KATNAL1: variants seen among roughly 807,000 people sequenced by gnomAD.
The protein encoded by KATNAL1 is katanin p60 ATPase-containing subunit A-like 1.
In KATNAL1, 32 loss-of-function variants were observed where a neutral mutation model predicts 55.2. That is an observed-to-expected ratio of 0.58 (90% CI 0.44 to 0.78). The LOEUF (loss-of-function observed/expected upper bound fraction) is 0.78, where lower values mean the gene tolerates loss of function less well. KATNAL1 is among the 30% of genes least tolerant of loss of function. The pLI is 0.00. For synonymous variants in KATNAL1, 193 were observed against 193.6 expected (o/e 1.00, Z 0.02); for missense variants, 466 against 600.9 (o/e 0.78, Z 2.35).
At chr13:30,223,348 A>G (rs1296683049) in intron 9 of KATNAL1, among the ~76,000 whole-genome samples, 2 of 146,726 alleles carry the variant, frequency 1.4e-5, no homozygotes, top group South Asian at 2.3e-4. Context: ...AGGCTGAGGC[A>G]GGAGAATGGT....
intron 4 of KATNAL1, among the ~76,000 whole-genome samples, chr13:30,249,372 C>T (rs947777223): frequency 6.6e-6 from 1 of 152,138 alleles, no homozygotes; most frequent in Non-Finnish European, 1.5e-5. Flanking sequence ...TATGCATATC[C>T]TATGACCCAG....
chr13:30,270,810 A>G (rs1880288475), intron 3 of KATNAL1, among the ~76,000 whole-genome samples: 1 of 151,102 alleles, frequency 6.6e-6, no homozygotes, highest in Admixed American at 6.6e-5. Context: ...GGAAAACCAG[A>G]GACCTTTGTT....
At chr13:30,261,885 A>T (rs1313244451) in intron 3 of KATNAL1, among the ~76,000 whole-genome samples, 4 of 151,908 alleles carry the variant, frequency 2.6e-5, no homozygotes, top group Non-Finnish European at 4.4e-5. Flanking sequence ...ACATCTACAG[A>T]ACTCTCCACC....
intron 6 of KATNAL1, among the ~76,000 whole-genome samples, chr13:30,233,341 T>C (rs961389704): frequency 3.3e-5 from 5 of 151,996 alleles, no homozygotes; most frequent in Admixed American, 6.6e-5. Flanking sequence ...AAATGTCCAA[T>C]AGATACATGA....
chr13:30,217,978 G>A (rs1304806826), intron 9 of KATNAL1, among the ~76,000 whole-genome samples: 3 of 152,076 alleles, frequency 2.0e-5, no homozygotes, highest in South Asian at 2.1e-4. Context: ...AGAAGACTGC[G>A]TGATGTCCAC....
chr13:30,232,722 C>G (rs748264974), intron 6 of KATNAL1, among the ~76,000 whole-genome samples: 27 of 152,046 alleles, frequency 1.8e-4, no homozygotes, highest in Admixed American at 3.3e-4. Flanking sequence ...TATTTATAAA[C>G]TTCACCTCCT....
chr13:30,304,294 G>A (rs577174458), intron 1 of KATNAL1, among the ~76,000 whole-genome samples: 5 of 146,212 alleles, frequency 3.4e-5, no homozygotes, highest in African/African-American at 1.0e-4. Flanking sequence ...TTCCTGACAC[G>A]GAGTCTCGCT....
At chr13:30,271,120 A>G (rs1744113477) in intron 3 of KATNAL1, among the ~76,000 whole-genome samples, 2 of 152,198 alleles carry the variant, frequency 1.3e-5, no homozygotes, top group African/African-American at 4.8e-5. Flanking sequence ...AATGGCAAAC[A>G]CATCCTGAGC....
At position 30,208,359 on chromosome 13, in the gene KATNAL1, A is replaced by G. The variant is rs1873343138; in HGVS notation, c.*181T>C. 4 of 552,428 alleles carry G rather than the reference A, an allele frequency of 7.2e-6. No homozygotes were observed. Among genetic ancestry groups the G allele is most frequent in the Non-Finnish European group, 1.3e-5 (4 of 319,854 alleles). The allele number at this position is 552,428 out of a possible 1,614,324, so 34.2% of individuals were successfully genotyped here. A position where few individuals can be genotyped will look rare whatever the true frequency, so the allele number is the denominator to read the frequency against. Reference sequence around the variant, plus strand: ...CACAAAGCCGGGGAGGGAGACTAGCAAACTCTCGCCATCAATTATTTCTCA... The same window carrying G: ...CACAAAGCCGGGGAGGGAGACTAGCGAACTCTCGCCATCAATTATTTCTCA... On this transcript the variant is annotated 3_prime_UTR_variant, in exon 11 of 11. Coordinates refer to ENST00000380615, the MANE Select transcript of KATNAL1 (RefSeq NM_032116.5).
At position 30,293,127 on chromosome 13, in the gene KATNAL1, ATT is replaced by A. The variant is rs375882893; in HGVS notation, c.-14-9338_-14-9337del. On this transcript the variant is annotated intron_variant, in intron 1 of 10. Coordinates refer to ENST00000380615, the MANE Select transcript of KATNAL1 (RefSeq NM_032116.5). Reference sequence around the variant, plus strand: ...ATTTCTTTCCTGAATTTCATTAAAAATTTCTTTCCATTTTTTTTCTGCTGTGA... The same window carrying A: ...ATTTCTTTCCTGAATTTCATTAAAAATCTTTCCATTTTTTTTCTGCTGTGA... Among the ~76,000 whole-genome samples the A allele has an allele frequency of 2.6e-3, 397 of 152,146 alleles. 1 individual carries two copies. The highest frequency in any genetic ancestry group is 8.7e-3 in the African/African-American group (362 of 41,506).
Position 30,205,384 on chromosome 13 carries a change from G to A in KATNAL1, c.*3156C>T, listed in dbSNP as rs1873012019. The A allele has an allele frequency of 6.6e-6, 1 of 152,216 alleles. No homozygotes were observed. The highest frequency in any genetic ancestry group is 2.4e-5 in the African/African-American group (1 of 41,440). 9.4% of individuals were successfully genotyped at this position (152,216 alleles called of 1,614,324 possible). A position where few individuals can be genotyped will look rare whatever the true frequency, so the allele number is the denominator to read the frequency against. ...AACCAATACACGTCTACAGAATGAA[G>A]GGACTATCTGATCAGATATCTGCAA... On this transcript the variant is annotated 3_prime_UTR_variant, in exon 11 of 11. Coordinates refer to ENST00000380615, the MANE Select transcript of KATNAL1 (RefSeq NM_032116.5).
intron 4 of KATNAL1, among the ~76,000 whole-genome samples, chr13:30,246,868 A>C (rs1361710979): frequency 6.6e-6 from 1 of 152,164 alleles, no homozygotes; most frequent in Non-Finnish European, 1.5e-5. Context: ...TAGAATGGCA[A>C]TTATTTCTTT....
At chr13:30,222,038 T>C (rs1329401055) in intron 9 of KATNAL1, among the ~76,000 whole-genome samples, 1 of 151,738 alleles carries the variant, frequency 6.6e-6, no homozygotes, top group Non-Finnish European at 1.5e-5. Context: ...GCAACAAGAG[T>C]GAAACTCCAT....
chr13:30,224,936 T>C (rs539356581), intron 9 of KATNAL1, among the ~76,000 whole-genome samples: 4 of 152,336 alleles, frequency 2.6e-5, no homozygotes, highest in South Asian at 4.1e-4. Context: ...ATGAGTCATG[T>C]CTGAGATGTG....
intron 3 of KATNAL1, among the ~76,000 whole-genome samples, chr13:30,256,046 C>G (rs1878757999): frequency 6.6e-6 from 1 of 152,122 alleles, no homozygotes; most frequent in African/African-American, 2.4e-5. Flanking sequence ...TCTATTTGTA[C>G]AGTTTACTAA....
intron 6 of KATNAL1, among the ~76,000 whole-genome samples, chr13:30,238,101 C>A (rs1438938758): frequency 6.6e-6 from 1 of 152,168 alleles, no homozygotes; most frequent in African/African-American, 2.4e-5. Flanking sequence ...TCCCAACTCA[C>A]TAATTTAACT....
intron 1 of KATNAL1, among the ~76,000 whole-genome samples, chr13:30,295,412 G>A (rs1882413797): frequency 6.6e-6 from 1 of 152,148 alleles, no homozygotes; most frequent in African/African-American, 2.4e-5. Context: ...AAAAGCAAGA[G>A]AACTAGCATT....
chr13:30,251,927 T>G (rs1175531197), intron 4 of KATNAL1, among the ~76,000 whole-genome samples: 5 of 152,190 alleles, frequency 3.3e-5, no homozygotes, highest in African/African-American at 1.2e-4. Flanking sequence ...TGATTGTTAC[T>G]TACTGAAAAA....
At chr13:30,296,215 C>G in intron 1 of KATNAL1, 1 of 830,792 alleles carries the variant, frequency 1.2e-6, no homozygotes. Context: ...TGGTGGATGG[C>G]GCCTTCAAAG....
Sources: allele counts gnomAD v4.1 joint callset (sites outside exome capture counted in the v4.1 genomes callset), GRCh38; gene constraint gnomAD v4.1.1; transcripts MANE v1.5; gene names NCBI Gene and HGNC (gene_info 2026-07-23, HGNC 2026-07-21).